The following STAB2 variants were observed in gnomAD, a reference collection of about 807,000 sequenced individuals.
STAB2 encodes the protein stabilin 2.
A neutral mutation model predicts 338.1 loss-of-function variants in STAB2; 288 were observed. The ratio of observed to expected loss-of-function variants is 0.85; its 90% CI spans 0.77 to 0.94. The LOEUF (loss-of-function observed/expected upper bound fraction) is 0.94. Ranked by LOEUF, STAB2 falls within the 40% of genes least tolerant of loss-of-function variation. The probability of loss-of-function intolerance (pLI) is 0.00; values close to 1 mark genes in which losing one functional copy is unlikely to be tolerated. For synonymous variants in STAB2, 1,202 were observed against 1,193.3 expected (o/e 1.01, Z -0.15); for missense variants, 3,141 against 3,210.1 (o/e 0.98, Z 0.52).
Position 103,748,952 on chromosome 12 carries a change from T to G in STAB2, c.6245-11T>G, listed in dbSNP as rs774833208. On this transcript the variant is annotated splice_polypyrimidine_tract_variant and intron_variant, in intron 58 of 68. Coordinates refer to ENST00000388887, the MANE Select transcript of STAB2 (RefSeq NM_017564.10). Reference sequence around the variant, plus strand: ...GTGGTAAGTTGAGCCCTCTCTCCTCTGCTCTTGCAGTTGTGGATTTCTGCA... The same window carrying G: ...GTGGTAAGTTGAGCCCTCTCTCCTCGGCTCTTGCAGTTGTGGATTTCTGCA... 55 of 1,610,186 alleles carry G rather than the reference T, an allele frequency of 3.4e-5. No homozygotes were observed. In the South Asian group the frequency reaches 6.1e-4, roughly 18 times the overall value.
At position 103,638,198 on chromosome 12, in the gene STAB2, G is replaced by A. The variant is rs763680859; in HGVS notation, c.892G>A (p.Asp298Asn). The part of the protein sequence containing the change: ...CPTKSTVCKY[D>N]GPGQSHCECK... ...TACAAAGTCTACAGTGTGCAAATAT[G>A]ATGGGCCTGGACAGGTGAGCAAATG... Residue 298 changes from aspartate to asparagine, a missense_variant, in exon 8 of 69, where the codon GAT becomes AAT. Asp to Asn is a conservative substitution (Grantham distance 23, BLOSUM62 1). Transcript: ENST00000388887. 20 of 1,613,962 alleles carry A rather than the reference G, an allele frequency of 1.2e-5. No homozygotes were observed. Among genetic ancestry groups the A allele is most frequent in the East Asian group, 2.2e-5 (1 of 44,888 alleles).
In STAB2 at chr12:103,591,157, C is replaced by T. The variant is rs1956792250; in HGVS notation, c.215+127C>T. On this transcript the variant is annotated intron_variant, in intron 2 of 68. Coordinates refer to ENST00000388887, the MANE Select transcript of STAB2 (RefSeq NM_017564.10). ...ACAATAAGCCCAAACTTAGGTAACT[C>T]ACAATTTATGAACTTAAGTCTAAAA... 3.2e-5 allele frequency: 41 copies of T among 1,275,854 alleles called. No individual in the cohort carries two copies. In the South Asian group the frequency reaches 5.4e-4, roughly 17 times the overall value. 79.0% of individuals were successfully genotyped at this position (1,275,854 alleles called of 1,614,324 possible).
Position 103,763,624 on chromosome 12 carries a change from T to G in STAB2, c.7605+16T>G. The G allele has an allele frequency of 6.2e-7, 1 of 1,605,372 alleles. No homozygotes were observed. Among genetic ancestry groups the G allele is most frequent in the East Asian group, 2.2e-5 (1 of 44,812 alleles). Reference sequence around the variant, plus strand: ...CCCCTTCACGGTGAGTTTGCATTCTTATCTAGGAATAGGTTCCCTTGGGGT... The same window carrying G: ...CCCCTTCACGGTGAGTTTGCATTCTGATCTAGGAATAGGTTCCCTTGGGGT... On this transcript the variant is annotated intron_variant, in intron 68 of 68. Transcript: ENST00000388887.
chr12:103,704,280 G>C (rs1028213250), intron 35 of STAB2, among the ~76,000 whole-genome samples: 1 of 152,134 alleles, frequency 6.6e-6, no homozygotes, highest in Admixed American at 6.5e-5. Flanking sequence ...TTAATAGTTG[G>C]TTTTTAATAA....
chr12:103,737,923 G>A, intron 53 of STAB2, 143 bp downstream of exon 53: 7 of 1,101,492 alleles, frequency 6.4e-6, no homozygotes, highest in Admixed American at 3.1e-5. Context: ...GCCAAATGAT[G>A]TAGTTCTTTA....
intron 38 of STAB2, among the ~76,000 whole-genome samples, chr12:103,707,962 T>A (rs1879515626): frequency 2.0e-5 from 3 of 152,178 alleles, no homozygotes; most frequent in Admixed American, 2.0e-4. Flanking sequence ...CTGAATACAT[T>A]TTTCTGGGGA....
chr12:103,587,670 TA>T, intron 1 of STAB2, 113 bp downstream of exon 1: 1 of 848,022 alleles, frequency 1.2e-6, no homozygotes. Flanking sequence ...CTTTATAAAA[TA>T]CAGAGAATGT....
At chr12:103,703,631 C>G (rs1442801988) in intron 35 of STAB2, among the ~76,000 whole-genome samples, 2 of 152,126 alleles carry the variant, frequency 1.3e-5, no homozygotes, top group Non-Finnish European at 2.9e-5. Flanking sequence ...AGGACAGGCA[C>G]AGGGTAGGAA....
intron 3 of STAB2, among the ~76,000 whole-genome samples, chr12:103,612,290 A>G (rs984994192): frequency 6.6e-6 from 1 of 152,078 alleles, no homozygotes; most frequent in South Asian, 2.1e-4. Context: ...TTTCCAACTT[A>G]GTTCCATTCT....
intron 9 of STAB2, among the ~76,000 whole-genome samples, chr12:103,646,324 C>G (rs1184759962): frequency 6.6e-6 from 1 of 152,214 alleles, no homozygotes; most frequent in African/African-American, 2.4e-5. Flanking sequence ...TATCATGGCA[C>G]TTACAATGAA....
At chr12:103,601,203 T>TG (rs1956949167) in intron 3 of STAB2, among the ~76,000 whole-genome samples, 1 of 152,084 alleles carries the variant, frequency 6.6e-6, no homozygotes, top group South Asian at 2.1e-4. Flanking sequence ...GTAATGTGCT[T>TG]GGCATGCTAC....
Position 103,755,598 on chromosome 12 carries a change from C to T in STAB2, c.6881-14C>T, listed in dbSNP as rs755009818. On this transcript the variant is annotated splice_polypyrimidine_tract_variant and intron_variant, in intron 62 of 68. Transcript: ENST00000388887. ...CCTTACTTGTGTGGGACCCTGTGTG[C>T]CTCTGCCCTCCAGATGTGAACTGCA... 2.5e-6 allele frequency: 4 copies of T among 1,613,690 alleles called. No homozygotes were observed. The highest frequency in any genetic ancestry group is 1.7e-5 in the Admixed American group (1 of 59,994).
Position 103,763,611 on chromosome 12 carries a change from G to A in STAB2, c.7605+3G>A, listed in dbSNP as rs752352801. On this transcript the variant is annotated splice_donor_region_variant and intron_variant, in intron 68 of 68. Transcript: ENST00000388887. ...AACCTTCCTACGACCCCTTCACGGT[G>A]AGTTTGCATTCTTATCTAGGAATAG... 6.2e-7 allele frequency: 1 copy of A among 1,612,964 alleles called. No individual in the cohort carries two copies.
At chr12:103,730,671 A>C (rs1465318042) in intron 49 of STAB2, among the ~76,000 whole-genome samples, 2 of 152,244 alleles carry the variant, frequency 1.3e-5, no homozygotes, top group East Asian at 3.8e-4. Flanking sequence ...GAGATAGTAG[A>C]TACATCATCA....
Position 103,726,106 on chromosome 12 carries a change from T to C in STAB2, c.4804-10T>C. 6.2e-7 allele frequency: 1 copy of C among 1,613,900 alleles called. No individual in the cohort carries two copies. The highest frequency in any genetic ancestry group is 8.5e-7 in the Non-Finnish European group (1 of 1,179,804). On this transcript the variant is annotated splice_polypyrimidine_tract_variant and intron_variant, in intron 45 of 68. Transcript: ENST00000388887. Reference sequence around the variant, plus strand: ...CACAGGCATTAAGTGAAACTACTCTTTGTTTGCAGGAGCTTCCCAAGAACC... The same window carrying C: ...CACAGGCATTAAGTGAAACTACTCTCTGTTTGCAGGAGCTTCCCAAGAACC...
chr12:103,725,227 A>T (rs1305320090), intron 45 of STAB2, 133 bp downstream of exon 45: 9 of 1,395,338 alleles, frequency 6.5e-6, no homozygotes, highest in Non-Finnish European at 8.7e-6. Context: ...ATTTTACATA[A>T]ATCAGCAATG....
chr12:103,682,337 G>A (rs752695452), intron 25 of STAB2, among the ~76,000 whole-genome samples: 2 of 152,176 alleles, frequency 1.3e-5, no homozygotes, highest in Admixed American at 6.5e-5. Flanking sequence ...GCCAGGGGAG[G>A]ATCGAGACTG....
intron 27 of STAB2, 47 bp from the exon 28 acceptor site, chr12:103,688,121 G>A (rs1346613049): frequency 6.4e-7 from 1 of 1,567,928 alleles, no homozygotes; most frequent in African/African-American, 1.4e-5. Flanking sequence ...TTCTTTCTCT[G>A]TGTTCTCTCC....
chr12:103,605,819 T>C (rs988787204), intron 3 of STAB2, among the ~76,000 whole-genome samples: 5 of 152,050 alleles, frequency 3.3e-5, no homozygotes, highest in African/African-American at 1.2e-4. Flanking sequence ...GTGTGCTTTT[T>C]TCTCTCCTTT....
Sources: gnomAD v4.1 joint callset for allele counts (sites outside exome capture counted in the v4.1 genomes callset) on GRCh38, gnomAD v4.1.1 for gene constraint, MANE v1.5 for transcripts, NCBI Gene and HGNC (gene_info 2026-07-23, HGNC 2026-07-21) for gene names.